TMEM238L: variants seen among roughly 807,000 people sequenced by gnomAD.
The protein encoded by TMEM238L is transmembrane protein 238-like.
intron 1 of TMEM238L, among the ~76,000 whole-genome samples, chr17:10,797,595 C>T (rs1275412398): frequency 6.6e-6 from 1 of 152,180 alleles, no homozygotes; most frequent in Non-Finnish European, 1.5e-5. Context: ...ATATCAAACT[C>T]TGCATGTTCA....
At chr17:10,797,074 G>T (rs1255941622) in intron 1 of TMEM238L, among the ~76,000 whole-genome samples, 1 of 152,158 alleles carries the variant, frequency 6.6e-6, no homozygotes, top group Non-Finnish European at 1.5e-5. Context: ...ATAGGTTGTA[G>T]TTGCCTACCC....
At chr17:10,800,624 T>C (rs1904708578) in intron 1 of TMEM238L, among the ~76,000 whole-genome samples, 1 of 152,204 alleles carries the variant, frequency 6.6e-6, no homozygotes, top group Non-Finnish European at 1.5e-5. Flanking sequence ...ACTTGCATAG[T>C]GCTGAACAAA....
intron 1 of TMEM238L, among the ~76,000 whole-genome samples, chr17:10,802,140 A>G (rs1904764445): frequency 6.6e-6 from 1 of 152,162 alleles, no homozygotes; most frequent in South Asian, 2.1e-4. Flanking sequence ...ATTCCAACAT[A>G]CCAGCACACA....
intron 1 of TMEM238L, among the ~76,000 whole-genome samples, chr17:10,799,773 G>A (rs1904676093): frequency 6.6e-6 from 1 of 152,178 alleles, no homozygotes; most frequent in Non-Finnish European, 1.5e-5. Flanking sequence ...AGTTTAATGT[G>A]CAAAGCTGCT....
chr17:10,802,028 C>T (rs1203135532), intron 1 of TMEM238L, among the ~76,000 whole-genome samples: 2 of 152,116 alleles, frequency 1.3e-5, no homozygotes, highest in South Asian at 2.1e-4. Flanking sequence ...AGTGATCTGC[C>T]CGCCTCGGCC....
chr17:10,798,695 ATG>A (rs1251445405), intron 1 of TMEM238L, among the ~76,000 whole-genome samples: 5 of 150,452 alleles, frequency 3.3e-5, no homozygotes, highest in Admixed American at 1.3e-4. Flanking sequence ...GTGTTTCTGG[ATG>A]TGTGTGGTAG....
At chr17:10,801,222 T>C (rs1018856732) in intron 1 of TMEM238L, among the ~76,000 whole-genome samples, 1 of 152,144 alleles carries the variant, frequency 6.6e-6, no homozygotes, top group Non-Finnish European at 1.5e-5. Flanking sequence ...GGCTAATTTT[T>C]TGTATTTTTA....
rs535949349 is a variant in TMEM238L, at chr17:10,802,021, G to C, written c.*118+1585C>G. On this transcript the variant is annotated intron_variant, in intron 1 of 1. Transcript: ENST00000581851. ...TGGTCTTGAACTCCTGACCTCAAGT[G>C]ATCTGCCCGCCTCGGCCTCCCAAAG... 3.9e-5 allele frequency among the ~76,000 whole-genome samples: 6 copies of C among 152,272 alleles called. No homozygotes were observed. In the South Asian group the frequency reaches 1.2e-3, roughly 32 times the overall value.
At chr17:10,799,384 G>C (rs1194344523) in intron 1 of TMEM238L, among the ~76,000 whole-genome samples, 1 of 152,146 alleles carries the variant, frequency 6.6e-6, no homozygotes, top group Non-Finnish European at 1.5e-5. Flanking sequence ...TTTTAGTAGA[G>C]ACGGGGTTTC....
intron 1 of TMEM238L, among the ~76,000 whole-genome samples, chr17:10,796,883 T>A (rs1301269633): frequency 6.6e-6 from 1 of 152,186 alleles, no homozygotes; most frequent in Non-Finnish European, 1.5e-5. Flanking sequence ...TGGCAAATGT[T>A]TTCTGTAAAG....
chr17:10,795,608 T>C (rs1904516452), exon 2 of TMEM238L: 1 of 152,216 alleles, frequency 6.6e-6, no homozygotes, highest in Non-Finnish European at 1.5e-5. Flanking sequence ...TTCTAATTGT[T>C]TTTCTAAAAG....
intron 1 of TMEM238L, among the ~76,000 whole-genome samples, chr17:10,800,284 T>C (rs1829304165): frequency 2.0e-5 from 3 of 152,102 alleles, no homozygotes; most frequent in African/African-American, 7.2e-5. Context: ...CCCAAGGCCA[T>C]GGGGTGGAGG....
chr17:10,800,258 G>C (rs1400092646), intron 1 of TMEM238L, among the ~76,000 whole-genome samples: 1 of 152,164 alleles, frequency 6.6e-6, no homozygotes, highest in Non-Finnish European at 1.5e-5. Flanking sequence ...ACTCTAAAGG[G>C]AAGTAAAATG....
At chr17:10,803,460 G>A in intron 1 of TMEM238L, 146 bp downstream of exon 1, 1 of 323,610 alleles carries the variant, frequency 3.1e-6, no homozygotes, top group Non-Finnish European at 5.6e-6. Flanking sequence ...GGCCACCCCA[G>A]CAGGACCTGA....
At chr17:10,803,045 A>G (rs549205598) in intron 1 of TMEM238L, among the ~76,000 whole-genome samples, 2 of 152,144 alleles carry the variant, frequency 1.3e-5, no homozygotes, top group East Asian at 3.9e-4. Context: ...CTGAGTGGGC[A>G]TGGAGGCGAG....
exon 2 of TMEM238L, chr17:10,795,802 C>A (rs1182409248): frequency 2.6e-5 from 4 of 152,240 alleles, no homozygotes; most frequent in Admixed American, 2.6e-4. Flanking sequence ...CTGCCAGAAG[C>A]CTGGCATCAC....
intron 1 of TMEM238L, among the ~76,000 whole-genome samples, chr17:10,798,676 TGTGA>T (rs1001141758): frequency 7.9e-5 from 12 of 152,100 alleles, no homozygotes; most frequent in Admixed American, 3.3e-4. Context: ...TGTTTGTTTC[TGTGA>T]GTGTGTGTTT....
intron 1 of TMEM238L, among the ~76,000 whole-genome samples, chr17:10,801,910 T>C (rs534116710): frequency 6.6e-6 from 1 of 152,188 alleles, no homozygotes; most frequent in Admixed American, 6.5e-5. Context: ...ACCTCCTGAA[T>C]AGCTGGGATT....
chr17:10,803,069 G>T (rs140923045), intron 1 of TMEM238L, among the ~76,000 whole-genome samples: 197 of 152,138 alleles, frequency 1.3e-3, no homozygotes, highest in African/African-American at 4.0e-3. Flanking sequence ...TCCCTACCCC[G>T]CTTCTTGTAT....
Sources: gnomAD v4.1 joint callset for allele counts (sites outside exome capture counted in the v4.1 genomes callset) on GRCh38, gnomAD v4.1.1 for gene constraint, MANE v1.5 for transcripts, NCBI Gene and HGNC (gene_info 2026-07-23, HGNC 2026-07-21) for gene names.